CNTNAP2: variants seen among roughly 807,000 people sequenced by gnomAD.
CNTNAP2 encodes the protein contactin-associated protein-like 2.
Under a neutral mutation model 155.2 loss-of-function variants are expected in CNTNAP2, and 98 were observed. That is an observed-to-expected ratio of 0.63 (90% CI 0.54 to 0.75). CNTNAP2 has a LOEUF of 0.75. Among genes scored for constraint, CNTNAP2 ranks in the 30% least tolerant of loss-of-function variants. The pLI is 0.00. For missense variants in CNTNAP2, 1,727 were observed against 1,688.1 expected (o/e 1.02, Z -0.40); for synonymous variants, 651 against 631.2 (o/e 1.03, Z -0.47).
At chr7:146,911,259 G>T (rs1159166613) in intron 3 of CNTNAP2, among the ~76,000 whole-genome samples, 3 of 151,930 alleles carry the variant, frequency 2.0e-5, no homozygotes, top group Non-Finnish European at 2.9e-5. Flanking sequence ...GATTCCTCAG[G>T]GATCTAGAAC....
At chr7:148,058,448 T>C (rs1803064751) in intron 15 of CNTNAP2, among the ~76,000 whole-genome samples, 2 of 152,148 alleles carry the variant, frequency 1.3e-5, no homozygotes, top group African/African-American at 4.8e-5. Context: ...TTGTAGGAGA[T>C]GAGGATGCAG....
chr7:146,924,357 G>A (rs141386693), intron 3 of CNTNAP2, among the ~76,000 whole-genome samples: 1,710 of 152,076 alleles, frequency 0.011, 26 homozygotes, highest in South Asian at 0.037. Flanking sequence ...TAATGCTGTT[G>A]GACTCTGTTA....
intron 11 of CNTNAP2, among the ~76,000 whole-genome samples, chr7:147,549,831 A>G (rs561397738): frequency 1.3e-5 from 2 of 152,302 alleles, no homozygotes; most frequent in East Asian, 3.9e-4. Context: ...CCCATTTCTT[A>G]TCACATACAC....
chr7:146,499,583 C>T (rs550770283), intron 1 of CNTNAP2, among the ~76,000 whole-genome samples: 47 of 151,886 alleles, frequency 3.1e-4, no homozygotes, highest in Non-Finnish European at 8.8e-5. Context: ...TTTTTTATCC[C>T]TCCCCTTCCT....
chr7:148,116,244 C>G (rs766021166), intron 15 of CNTNAP2, among the ~76,000 whole-genome samples: 56 of 152,058 alleles, frequency 3.7e-4, no homozygotes, highest in Non-Finnish European at 6.3e-4. Flanking sequence ...TGCACTAGTT[C>G]CCTGTTTATG....
chr7:147,080,719 A>G (rs535470702), intron 4 of CNTNAP2, among the ~76,000 whole-genome samples: 1 of 148,458 alleles, frequency 6.7e-6, no homozygotes, highest in Admixed American at 6.8e-5. Flanking sequence ...ATAAATATAT[A>G]TATAAAACTT....
chr7:148,127,575 G>T (rs910366890), intron 16 of CNTNAP2, among the ~76,000 whole-genome samples: 1 of 152,214 alleles, frequency 6.6e-6, no homozygotes, highest in African/African-American at 2.4e-5. Context: ...AAACTTTCAT[G>T]TTCAAGATGC....
intron 12 of CNTNAP2, among the ~76,000 whole-genome samples, chr7:147,628,919 A>G (rs913946289): frequency 2.6e-5 from 4 of 151,904 alleles, no homozygotes; most frequent in South Asian, 2.1e-4. Context: ...ATGATAAAAG[A>G]ATTACTCCAA....
chr7:146,836,671 A>G (rs1803623492), intron 2 of CNTNAP2, among the ~76,000 whole-genome samples: 1 of 152,174 alleles, frequency 6.6e-6, no homozygotes, highest in Non-Finnish European at 1.5e-5. Context: ...ATTTAAAAAC[A>G]TGAACAAATA....
intron 3 of CNTNAP2, among the ~76,000 whole-genome samples, chr7:146,980,778 A>G (rs1563030519): frequency 6.6e-6 from 1 of 152,176 alleles, no homozygotes; most frequent in African/African-American, 2.4e-5. Flanking sequence ...ACCTACCACC[A>G]GGCCCCGCCT....
At chr7:146,809,889 G>A (rs116510178) in intron 2 of CNTNAP2, among the ~76,000 whole-genome samples, 2,234 of 152,002 alleles carry the variant, frequency 0.015, 52 homozygotes, top group African/African-American at 0.049. Flanking sequence ...TTTATTTCCT[G>A]TGATTTTGGT....
chr7:147,386,460 A>G (rs1796627425), intron 9 of CNTNAP2, among the ~76,000 whole-genome samples: 2 of 152,156 alleles, frequency 1.3e-5, no homozygotes, highest in African/African-American at 2.4e-5. Flanking sequence ...TTCTGCTTAG[A>G]AATTGCTTCT....
rs183726369 is a variant in CNTNAP2, at chr7:147,174,855, T to G, written c.1348+42346T>G. Among the ~76,000 whole-genome samples, 485 of 152,272 alleles carry G rather than the reference T, an allele frequency of 3.2e-3. 5 individuals carry two copies. Among genetic ancestry groups the G allele is most frequent in the African/African-American group, 0.011 (458 of 41,542 alleles). ...CCTTTGGAGTACTCCTTTGTCGCAC[T>G]GGGAACATGGTAAAATATATAATTT... On this transcript the variant is annotated intron_variant, in intron 8 of 23. Transcript: ENST00000361727.
In CNTNAP2 at chr7:148,305,222, CAAAAAAAAAAAAAAAAAA is replaced by C. The variant is rs34005083; in HGVS notation, c.3475+38109_3475+38126del. ...TGGGTGAAAGACCAAGGCCCTGTCT[CAAAAAAAAAAAAAAAAAA>C]AAAAAAAAAAAAGTTTCCTTTCCTA... On this transcript the variant is annotated intron_variant, in intron 21 of 23. Transcript: ENST00000361727. 5.8e-5 allele frequency among the ~76,000 whole-genome samples: 3 copies of C among 51,938 alleles called. 1 individual carries two copies. Among genetic ancestry groups the C allele is most frequent in the African/African-American group, 2.1e-4 (3 of 14,150 alleles). The allele number at this position is 51,938 out of a possible 152,430, so 34.1% of individuals were successfully genotyped here.
At chr7:147,863,253 A>G (rs552500322) in intron 13 of CNTNAP2, among the ~76,000 whole-genome samples, 3 of 152,312 alleles carry the variant, frequency 2.0e-5, no homozygotes, top group Admixed American at 6.5e-5. Context: ...TGCAAAGAAC[A>G]TGAACTCATC....
At chr7:147,307,345 G>C (rs1795049038) in intron 9 of CNTNAP2, among the ~76,000 whole-genome samples, 1 of 152,180 alleles carries the variant, frequency 6.6e-6, no homozygotes, top group Non-Finnish European at 1.5e-5. Flanking sequence ...AGCACTTTGG[G>C]AGGCCGAGGC....
intron 1 of CNTNAP2, among the ~76,000 whole-genome samples, chr7:146,127,663 C>T (rs1038384133): frequency 3.3e-5 from 5 of 152,110 alleles, no homozygotes; most frequent in African/African-American, 9.7e-5. Context: ...AAACCCAAGC[C>T]TGACTGTCCT....
chr7:148,275,482 C>T (rs1796855694), intron 21 of CNTNAP2, among the ~76,000 whole-genome samples: 1 of 152,180 alleles, frequency 6.6e-6, no homozygotes, highest in African/African-American at 2.4e-5. Context: ...CAGCAGTCCA[C>T]CCAAAACTGT....
At chr7:146,912,354 G>A (rs1315394520) in intron 3 of CNTNAP2, among the ~76,000 whole-genome samples, 1 of 151,118 alleles carries the variant, frequency 6.6e-6, no homozygotes, top group African/African-American at 2.4e-5. Context: ...TCTCAAACAT[G>A]CATACTAATA....
Sources: gnomAD v4.1 joint callset for allele counts (sites outside exome capture counted in the v4.1 genomes callset) on GRCh38, gnomAD v4.1.1 for gene constraint, MANE v1.5 for transcripts, NCBI Gene and HGNC (gene_info 2026-07-23, HGNC 2026-07-21) for gene names.